SLC22A23: variants seen among roughly 807,000 people sequenced by gnomAD.
SLC22A23 encodes the protein solute carrier family 22 member 23.
Under a neutral mutation model 61.0 loss-of-function variants are expected in SLC22A23, and 26 were observed. The observed-to-expected ratio is 0.43, with a 90% CI of 0.31 to 0.59. SLC22A23 has a LOEUF of 0.59. SLC22A23 is among the 20% of genes least tolerant of loss of function. The pLI, the probability that SLC22A23 is intolerant of heterozygous loss-of-function variation, is 0.11. For missense variants in SLC22A23, 796 were observed against 934.7 expected, an observed-to-expected ratio of 0.85 and a Z score of 1.94; for synonymous variants, 430 against 413.9, an observed-to-expected ratio of 1.04 and a Z score of -0.47.
chr6:3,442,828 A>C (rs75473691), intron 1 of SLC22A23, among the ~76,000 whole-genome samples: 1 of 151,972 alleles, frequency 6.6e-6, no homozygotes, highest in African/African-American at 2.4e-5. Context: ...AAAAAAAAAA[A>C]CACCTGATAA....
chr6:3,360,700 C>A lies in SLC22A23; in HGVS notation c.914-36698G>T, dbSNP rs887651216. On this transcript the variant is annotated intron_variant, in intron 3 of 9. Coordinates refer to ENST00000406686, the MANE Select transcript of SLC22A23 (RefSeq NM_015482.2). This position sits in a 1 kb window ranked among gnomAD's most constrained non-coding sequence, Gnocchi z 4.6. ...CCCAGTTATTTAGGAGACAAAGAGG[C>A]CCTCAAGCTGGCCTGAGCCCCCAAG... 6.6e-6 allele frequency among the ~76,000 whole-genome samples: 1 copy of A among 152,238 alleles called. No individual in the cohort carries two copies. The highest frequency in any genetic ancestry group is 1.5e-5 in the Non-Finnish European group (1 of 68,046).
At chr6:3,347,546 T>C (rs1408381612) in intron 3 of SLC22A23, among the ~76,000 whole-genome samples, 1 of 151,926 alleles carries the variant, frequency 6.6e-6, no homozygotes, top group Non-Finnish European at 1.5e-5. Context: ...GCCAAATGCC[T>C]CAGGTATCTG....
rs1215362483 is a variant in SLC22A23 at position 3,386,825 on chromosome 6, CAGCAACATG to C, written c.913+23354_913+23362del. Among the ~76,000 whole-genome samples the C allele has an allele frequency of 6.6e-6, 1 of 152,216 alleles. No individual in the cohort carries two copies. Among genetic ancestry groups the C allele is most frequent in the African/African-American group, 2.4e-5 (1 of 41,460 alleles). The stretch of plus-strand genomic sequence containing the variant: ...CTCTGATGCTGACACACGGACCTGG[CAGCAACATG>C]GGGAACAAGGACTTGCTTCCACAGG... On this transcript the variant is annotated intron_variant, in intron 3 of 9. Coordinates refer to ENST00000406686, the MANE Select transcript of SLC22A23 (RefSeq NM_015482.2). This position sits in a 1 kb window ranked among gnomAD's most constrained non-coding sequence, Gnocchi z 4.4.
chr6:3,444,411 C>T (rs573682630), intron 1 of SLC22A23, among the ~76,000 whole-genome samples: 86 of 152,366 alleles, frequency 5.6e-4, no homozygotes, highest in African/African-American at 2.0e-3. Flanking sequence ...CTTGCCCCTA[C>T]GTTTGCTCTC....
rs557588188 is a variant in SLC22A23, at chr6:3,324,842, C to A, written c.914-840G>T. Among the ~76,000 whole-genome samples the A allele has an allele frequency of 2.0e-5, 3 of 152,364 alleles. No individual in the cohort carries two copies. In the East Asian group the frequency reaches 5.8e-4, roughly 29 times the overall value. ...CACGGCCCCTCTTATTTGCAAGAAT[C>A]TATTCTTTTACTTTGACCTTGAGTC... On this transcript the variant is annotated intron_variant, in intron 3 of 9. Coordinates refer to ENST00000406686, the MANE Select transcript of SLC22A23 (RefSeq NM_015482.2). The surrounding 1 kb of genome is among the most constrained non-coding windows in gnomAD (Gnocchi z 4.3).
At chr6:3,396,760 C>T (rs560910640) in intron 3 of SLC22A23, among the ~76,000 whole-genome samples, 26 of 152,310 alleles carry the variant, frequency 1.7e-4, no homozygotes, top group Admixed American at 3.3e-4. Flanking sequence ...CGGAGAAGAG[C>T]GAGGCTGCCG....
At chr6:3,389,640 C>T (rs917399626) in intron 3 of SLC22A23, among the ~76,000 whole-genome samples, 2 of 152,208 alleles carry the variant, frequency 1.3e-5, no homozygotes, top group African/African-American at 4.8e-5. Context: ...CTACAGTCAC[C>T]CCTCCTCCCA....
intron 3 of SLC22A23, among the ~76,000 whole-genome samples, chr6:3,376,017 T>C (rs1766537350): frequency 6.6e-6 from 1 of 152,258 alleles, no homozygotes; most frequent in Non-Finnish European, 1.5e-5. Context: ...CTCTTCCATA[T>C]TTCATTTTTG....
At chr6:3,279,649 C>T (rs530901837) in intron 9 of SLC22A23, among the ~76,000 whole-genome samples, 6 of 150,310 alleles carry the variant, frequency 4.0e-5, no homozygotes, top group Non-Finnish European at 8.8e-5. Context: ...TTGTTACATC[C>T]TTGGTTTTAA....
chr6:3,454,143 C>G lies in SLC22A23; in HGVS notation c.654+1763G>C, dbSNP rs572086220. On this transcript the variant is annotated intron_variant, in intron 1 of 9. Coordinates refer to ENST00000406686, the MANE Select transcript of SLC22A23 (RefSeq NM_015482.2). This position sits in a 1 kb window ranked among gnomAD's most constrained non-coding sequence, Gnocchi z 4.3. The stretch of plus-strand genomic sequence containing the variant: ...TTGTTCCCAGGTTTCCCCTCTCAGT[C>G]TGGCCCAGTAACTGCAACGTGTCAT... Among the ~76,000 whole-genome samples, 22 of 152,330 alleles carry G rather than the reference C, an allele frequency of 1.4e-4. No homozygotes were observed. Among genetic ancestry groups the G allele is most frequent in the African/African-American group, 5.3e-4 (22 of 41,582 alleles).
intron 3 of SLC22A23, among the ~76,000 whole-genome samples, chr6:3,405,450 G>C (rs556895865): frequency 6.6e-6 from 1 of 151,964 alleles, no homozygotes. Flanking sequence ...AGAGACGACC[G>C]AGCACGTATT....
chr6:3,456,692 G>C lies in SLC22A23; in HGVS notation c.-133C>G. ...GAGGGCCCGCGGCTCGAGAGAGAGC[G>C]CTCGGCGGCTCCGGGTGCGTCAGGC... On this transcript the variant is annotated 5_prime_UTR_variant, in exon 1 of 10. Coordinates refer to ENST00000406686, the MANE Select transcript of SLC22A23 (RefSeq NM_015482.2). The surrounding 1 kb of genome is among the most constrained non-coding windows in gnomAD (Gnocchi z 7.1). 1.9e-6 allele frequency: 1 copy of C among 539,014 alleles called. No individual in the cohort carries two copies. The highest frequency in any genetic ancestry group is 2.4e-6 in the Non-Finnish European group (1 of 424,746). 33.4% of individuals were successfully genotyped at this position (539,014 alleles called of 1,614,324 possible). A position where few individuals can be genotyped will look rare whatever the true frequency, so the allele number is the denominator to read the frequency against.
At chr6:3,382,562 C>T (rs1322731222) in intron 3 of SLC22A23, among the ~76,000 whole-genome samples, 1 of 152,192 alleles carries the variant, frequency 6.6e-6, no homozygotes, top group Non-Finnish European at 1.5e-5. Flanking sequence ...CAACATTGTC[C>T]TTCCTTCCAA....
rs1482601069 is a variant in SLC22A23 at position 3,362,410 on chromosome 6, AAAAAAATAAAATAAAAAATAAAAAAT to A, written c.914-38434_914-38409del. Among the ~76,000 whole-genome samples the A allele has an allele frequency of 8.1e-4, 75 of 92,436 alleles. 8 individuals carry two copies. Among genetic ancestry groups the A allele is most frequent in the African/African-American group, 2.9e-3 (73 of 25,188 alleles). The allele number at this position is 92,436 out of a possible 152,430, so 60.6% of individuals were successfully genotyped here. On this transcript the variant is annotated intron_variant, in intron 3 of 9. Transcript: ENST00000406686. ...AGAGCGAGATTCCGTCTCACAAAAA[AAAAAAATAAAATAAAAAATAAAAAAT>A]AAAAATTAGCATGCATTTTCATCAG...
chr6:3,349,379 C>A (rs1034624192), intron 3 of SLC22A23, among the ~76,000 whole-genome samples: 3 of 152,186 alleles, frequency 2.0e-5, no homozygotes, highest in African/African-American at 7.2e-5. Context: ...CCCGAGGACT[C>A]TTCGGCCAAA....
chr6:3,314,477 C>T (rs1321902312), intron 4 of SLC22A23, among the ~76,000 whole-genome samples: 6 of 152,156 alleles, frequency 3.9e-5, no homozygotes, highest in Non-Finnish European at 5.9e-5. Flanking sequence ...CACTGGAGGC[C>T]GTCCCGGTAT....
At chr6:3,425,071 CTCTT>C (rs1240478980) in intron 1 of SLC22A23, among the ~76,000 whole-genome samples, 6 of 152,008 alleles carry the variant, frequency 3.9e-5, no homozygotes, top group Admixed American at 3.9e-4. Flanking sequence ...CTTCTTAAGC[CTCTT>C]TCTGTGATTA....
At chr6:3,405,612 A>G (rs540676508) in intron 3 of SLC22A23, among the ~76,000 whole-genome samples, 33 of 143,784 alleles carry the variant, frequency 2.3e-4, no homozygotes, top group Non-Finnish European at 3.7e-4. Flanking sequence ...CATTTGGCTC[A>G]GTCAAATTTT....
intron 3 of SLC22A23, among the ~76,000 whole-genome samples, chr6:3,352,886 G>A (rs1561918047): frequency 1.3e-5 from 2 of 152,096 alleles, no homozygotes; most frequent in South Asian, 2.1e-4. Context: ...GCAAACACCC[G>A]GGAGAAGATC....
Sources: allele counts gnomAD v4.1 joint callset (sites outside exome capture counted in the v4.1 genomes callset), GRCh38; gene constraint gnomAD v4.1.1; non-coding constraint Gnocchi (gnomAD v3.1); transcripts MANE v1.5; gene names NCBI Gene and HGNC (gene_info 2026-07-23, HGNC 2026-07-21).